Variants in RAPGEF2 observed in about 807,000 individuals in gnomAD.
RAPGEF2 encodes the protein Rap guanine nucleotide exchange factor 2.
In RAPGEF2, 54 loss-of-function variants were observed where a neutral mutation model predicts 186.7. That is an observed-to-expected ratio of 0.29 (90% CI 0.23 to 0.36). The LOEUF is 0.36. RAPGEF2 is among the 10% of genes least tolerant of loss of function. The pLI, the probability that RAPGEF2 is intolerant of heterozygous loss-of-function variation, is 1.00. For missense variants in RAPGEF2, 1,532 were observed against 2,045.0 expected, an observed-to-expected ratio of 0.75 and a Z score of 4.84; for synonymous variants, 712 against 705.9, an observed-to-expected ratio of 1.01 and a Z score of -0.14.
intron 8 of RAPGEF2, among the ~76,000 whole-genome samples, chr4:159,304,939 TTGTC>T (rs368990523): frequency 1.7e-3 from 256 of 152,296 alleles, no homozygotes; most frequent in African/African-American, 5.7e-3. Flanking sequence ...AACGTGGTAT[TTGTC>T]TGTCTGTGTC....
At chr4:159,122,518 C>G (rs4691543) in intron 1 of RAPGEF2, among the ~76,000 whole-genome samples, 1 of 151,966 alleles carries the variant, frequency 6.6e-6, no homozygotes, top group African/African-American at 2.4e-5. Flanking sequence ...ACTTATGGAC[C>G]CTTACAGATT....
intron 1 of RAPGEF2, among the ~76,000 whole-genome samples, chr4:159,154,294 C>T (rs935270016): frequency 1.3e-5 from 2 of 152,118 alleles, no homozygotes; most frequent in African/African-American, 2.4e-5. Context: ...CTTACTAGGT[C>T]GATCAGATGT....
At chr4:159,150,991 G>A (rs67601140) in intron 1 of RAPGEF2, among the ~76,000 whole-genome samples, 9,438 of 152,222 alleles carry the variant, frequency 0.062, 389 homozygotes, top group Non-Finnish European at 0.093. Flanking sequence ...CCAAGTAATG[G>A]GATTGGAGGA....
chr4:159,197,416 T>C (rs1748756921), intron 3 of RAPGEF2, among the ~76,000 whole-genome samples: 1 of 125,368 alleles, frequency 8.0e-6, no homozygotes, highest in Admixed American at 7.5e-5. Context: ...ATTGCAAAAG[T>C]TTAAGTGTCC....
At chr4:159,314,888 T>C in intron 9 of RAPGEF2, 120 bp downstream of exon 9, 1 of 1,009,514 alleles carries the variant, frequency 9.9e-7, no homozygotes, top group Non-Finnish European at 1.4e-6. Context: ...ATTAATTTCC[T>C]TTGTATAAAC....
At chr4:159,282,273 C>T (rs577695783) in intron 7 of RAPGEF2, among the ~76,000 whole-genome samples, 8 of 152,240 alleles carry the variant, frequency 5.3e-5, no homozygotes, top group East Asian at 3.9e-4. Context: ...AGCTTAATTA[C>T]GATTTAAGAT....
At position 159,187,035 on chromosome 4, in the gene RAPGEF2, C is replaced by T. The variant is rs142892851; in HGVS notation, c.140+323C>T. On this transcript the variant is annotated intron_variant, in intron 2 of 29. Coordinates refer to ENST00000691494, the MANE Select transcript of RAPGEF2 (RefSeq NM_001394067.2). ...TATAGAACACCAGGACTTATTTCTC[C>T]TACCTAGAATGCTAGAATTTTATAG... Among the ~76,000 whole-genome samples, 141 of 152,220 alleles carry T rather than the reference C, an allele frequency of 9.3e-4. 3 individuals carry two copies. In the East Asian group the frequency reaches 0.019, roughly 21 times the overall value.
chr4:159,145,166 C>T (rs1270684461), intron 1 of RAPGEF2, among the ~76,000 whole-genome samples: 2 of 152,024 alleles, frequency 1.3e-5, no homozygotes, highest in Non-Finnish European at 2.9e-5. Flanking sequence ...CAGCCGTGAG[C>T]CACTGCATCT....
intron 29 of RAPGEF2, among the ~76,000 whole-genome samples, chr4:159,356,894 CT>C (rs1243430572): frequency 6.8e-6 from 1 of 147,310 alleles, no homozygotes. Flanking sequence ...GAGTGAGACT[CT>C]GTCTCAAAAA....
intron 2 of RAPGEF2, among the ~76,000 whole-genome samples, chr4:159,192,216 G>A (rs1219812590): frequency 1.3e-5 from 2 of 152,192 alleles, no homozygotes; most frequent in African/African-American, 2.4e-5. Context: ...GCTGCCTCCT[G>A]GAGTTAAGTG....
At position 159,352,754 on chromosome 4, in the gene RAPGEF2, G is replaced by C; in HGVS notation, c.3935G>C (p.Arg1312Pro). ...TCTGGTCACAGTGAAATTTCTTCACGATCCAGTATTGTTAGCAATTCGTCT... is the reference window on the plus strand; with the variant it reads ...TCTGGTCACAGTGAAATTTCTTCACCATCCAGTATTGTTAGCAATTCGTCT... ...SDSGHSEISS[R>P]SSIVSNSSFD... Residue 1312 changes from arginine to proline, a missense_variant, in exon 27 of 30, where the codon CGA becomes CCA. Transcript: ENST00000691494. The C allele has an allele frequency of 4.3e-6, 7 of 1,614,156 alleles. No individual in the cohort carries two copies. Among genetic ancestry groups the C allele is most frequent in the Non-Finnish European group, 5.9e-6 (7 of 1,180,024 alleles).
chr4:159,268,006 C>T (rs1444671334), intron 7 of RAPGEF2: 2 of 1,436,610 alleles, frequency 1.4e-6, no homozygotes, highest in South Asian at 1.5e-5. Flanking sequence ...TTAAGCTTAC[C>T]AGTAGTGACA....
In RAPGEF2 at chr4:159,346,933, A is replaced by G; in HGVS notation, c.3647A>G (p.Gln1216Arg). 6.2e-7 allele frequency: 1 copy of G among 1,614,210 alleles called. No homozygotes were observed. Among genetic ancestry groups the G allele is most frequent in the Non-Finnish European group, 8.5e-7 (1 of 1,180,040 alleles). ...PPAHKINQGL[Q>R]VPAVSLYPSR... ...GCACATAAAATCAACCAGGGACTAC[A>G]GGTTCCCGCCGTGTCCCTTTATCCT... The change falls in exon 25 of 30, where the codon CAG becomes CGG. Residue 1216 changes from glutamine to arginine, a missense_variant. This residue lies in a region of RAPGEF2 where 594 missense variants were observed against 608.5 expected (regional missense o/e 0.98). Transcript: ENST00000691494.
At chr4:159,210,774 C>A (rs1750442392) in intron 4 of RAPGEF2, among the ~76,000 whole-genome samples, 191 bp downstream of exon 4, 1 of 152,132 alleles carries the variant, frequency 6.6e-6, no homozygotes, top group Admixed American at 6.5e-5. Context: ...ATCTCTTTAA[C>A]AAAGGGCAAG....
chr4:159,106,032 C>T (rs1737836407), intron 1 of RAPGEF2, among the ~76,000 whole-genome samples: 1 of 152,206 alleles, frequency 6.6e-6, no homozygotes, highest in East Asian at 1.9e-4. Context: ...ACTGTGGGCC[C>T]ACTGTGCCAA....
intron 1 of RAPGEF2, among the ~76,000 whole-genome samples, chr4:159,135,220 T>G (rs1347559322): frequency 1.3e-5 from 2 of 151,920 alleles, no homozygotes; most frequent in Non-Finnish European, 2.9e-5. Context: ...ATTTTTATAT[T>G]TTTTTTGTAG....
chr4:159,140,232 T>C (rs1015809687), intron 1 of RAPGEF2, among the ~76,000 whole-genome samples: 2 of 152,228 alleles, frequency 1.3e-5, no homozygotes, highest in African/African-American at 4.8e-5. Context: ...TTTAGTGTAG[T>C]TAAATATGGT....
At chr4:159,173,342 C>T (rs1389425435) in intron 1 of RAPGEF2, among the ~76,000 whole-genome samples, 3 of 152,116 alleles carry the variant, frequency 2.0e-5, no homozygotes, top group Admixed American at 6.5e-5. Flanking sequence ...TAAACTCTAC[C>T]GTGGTAGGAC....
intron 7 of RAPGEF2, among the ~76,000 whole-genome samples, chr4:159,295,684 A>C (rs1403785544): frequency 6.6e-6 from 1 of 150,964 alleles, no homozygotes; most frequent in Non-Finnish European, 1.5e-5. Context: ...AAAGTGATAG[A>C]ATTAGTTGAC....
Sources: gnomAD v4.1 joint callset for allele counts (sites outside exome capture counted in the v4.1 genomes callset) on GRCh38, gnomAD v4.1.1 for gene constraint, gnomAD v4.1.1 regional missense constraint, MANE v1.5 for transcripts, NCBI Gene and HGNC (gene_info 2026-07-23, HGNC 2026-07-21) for gene names.